Variants in PVT1 observed in about 807,000 individuals in gnomAD.
PVT1 encodes Pvt1 oncogene.
intron 4 of PVT1, among the ~76,000 whole-genome samples, chr8:127,998,979 C>G (rs142215165): frequency 6.6e-6 from 1 of 152,160 alleles, no homozygotes; most frequent in Non-Finnish European, 1.5e-5. Context: ...CAAGGATCCC[C>G]TGTCATTTTA....
At position 127,854,058 on chromosome 8, in the gene PVT1, A is replaced by G. The variant is rs550047468; in HGVS notation, n.373-36531A>G. Reference sequence around the variant, plus strand: ...AAGGAGGCCTGCTGGTATCCCAGCCATTTCCTGCCCCAAGGCCGCCCACCC... The same window carrying G: ...AAGGAGGCCTGCTGGTATCCCAGCCGTTTCCTGCCCCAAGGCCGCCCACCC... On this transcript the variant is annotated intron_variant and non_coding_transcript_variant, in intron 2 of 10. Coordinates refer to ENST00000651587, the Ensembl canonical transcript of PVT1. Among the ~76,000 whole-genome samples the G allele has an allele frequency of 2.0e-5, 3 of 152,022 alleles. No homozygotes were observed. In the East Asian group the frequency reaches 5.8e-4, roughly 29 times the overall value.
intron 4 of PVT1, among the ~76,000 whole-genome samples, chr8:128,051,771 A>C (rs1813698660): frequency 6.6e-6 from 1 of 151,420 alleles, no homozygotes. Flanking sequence ...TTACCACCAG[A>C]ATTTCTGTTT....
Position 127,802,865 on chromosome 8 carries a change from C to G in PVT1, n.372+6794C>G, listed in dbSNP as rs548132387. 1.3e-4 allele frequency among the ~76,000 whole-genome samples: 20 copies of G among 152,190 alleles called. No individual in the cohort carries two copies. The South Asian group carries it at 4.2e-3, about 32-fold the overall frequency. ...AGGTTGAAATGGGACCACAGCCAAC[C>G]AGGCCTGCTGTAGCCCAGAAGCTGG... On this transcript the variant is annotated intron_variant and non_coding_transcript_variant, in intron 2 of 10. Transcript: ENST00000651587.
chr8:128,073,918 G>A (rs1236129736), intron 5 of PVT1, among the ~76,000 whole-genome samples: 1 of 151,746 alleles, frequency 6.6e-6, no homozygotes, highest in Non-Finnish European at 1.5e-5. Context: ...CCAAGTCTCT[G>A]TAGTCTTCTC....
At chr8:127,904,385 CT>C (rs1460954354) in intron 3 of PVT1, among the ~76,000 whole-genome samples, 1 of 43,384 alleles carries the variant, frequency 2.3e-5, no homozygotes, top group East Asian at 4.5e-4. Context: ...TTGACTGCCC[CT>C]GGCCCTGCTG....
chr8:127,876,036 T>C (rs1052182570), intron 2 of PVT1, among the ~76,000 whole-genome samples: 1 of 152,168 alleles, frequency 6.6e-6, no homozygotes, highest in Non-Finnish European at 1.5e-5. Flanking sequence ...CCACCCCCCC[T>C]CACCCTCAGC....
In PVT1 at chr8:127,831,993, T is replaced by C. The variant is rs28510742; in HGVS notation, n.372+35922T>C. On this transcript the variant is annotated intron_variant and non_coding_transcript_variant, in intron 2 of 10. Coordinates refer to ENST00000651587, the Ensembl canonical transcript of PVT1. ...TTTACCTACCCATTAGCTCATTTGATTCTCAAAACAACATCTTTGCAGAAA... is the reference window on the plus strand; with the variant it reads ...TTTACCTACCCATTAGCTCATTTGACTCTCAAAACAACATCTTTGCAGAAA... Among the ~76,000 whole-genome samples the C allele has an allele frequency of 7.2e-3, 1,090 of 152,324 alleles. 9 individuals carry two copies. The highest frequency in any genetic ancestry group is 0.024 in the African/African-American group (1,018 of 41,558).
intron 3 of PVT1, among the ~76,000 whole-genome samples, chr8:127,933,542 C>T (rs10441527): frequency 0.35 from 52,642 of 151,956 alleles, 9,326 homozygotes; most frequent in East Asian, 0.53. Flanking sequence ...AAAGTGGAGA[C>T]CCTGTGCGTG....
At chr8:128,082,792 T>C (rs1276513007) in intron 5 of PVT1, 1 of 152,228 alleles carries the variant, frequency 6.6e-6, no homozygotes, top group African/African-American at 2.4e-5. Flanking sequence ...AGCCATCTGG[T>C]AATTATGAGG....
At chr8:127,822,229 A>T (rs542365100) in intron 2 of PVT1, among the ~76,000 whole-genome samples, 2 of 152,226 alleles carry the variant, frequency 1.3e-5, no homozygotes, top group East Asian at 3.8e-4. Context: ...ACCTGAGGAC[A>T]CAAGGATGGA....
chr8:127,798,463 G>A (rs545710621), intron 2 of PVT1, among the ~76,000 whole-genome samples: 18 of 152,092 alleles, frequency 1.2e-4, no homozygotes, highest in African/African-American at 3.6e-4. Flanking sequence ...CTGCAGCCAC[G>A]GAGCAGTCAG....
At chr8:128,022,585 C>T (rs1168176621) in intron 4 of PVT1, among the ~76,000 whole-genome samples, 8 of 152,206 alleles carry the variant, frequency 5.3e-5, no homozygotes, top group Admixed American at 2.0e-4. Context: ...TCTTGGCCTT[C>T]CAAGTTCTTG....
chr8:127,817,056 C>T (rs1281991525), intron 2 of PVT1, among the ~76,000 whole-genome samples: 1 of 149,430 alleles, frequency 6.7e-6, no homozygotes, highest in African/African-American at 2.5e-5. Context: ...ACATTTCATA[C>T]ATCTGGTTGC....
intron 2 of PVT1, among the ~76,000 whole-genome samples, chr8:127,832,007 TCTTTG>T (rs1359508746): frequency 1.3e-5 from 2 of 152,170 alleles, no homozygotes; most frequent in Non-Finnish European, 2.9e-5. Context: ...CAAAACAACA[TCTTTG>T]CAGAAAAGGC....
chr8:127,998,673 T>A (rs1736559829), intron 4 of PVT1, among the ~76,000 whole-genome samples: 1 of 147,286 alleles, frequency 6.8e-6, no homozygotes, highest in Non-Finnish European at 1.5e-5. Context: ...CCTTCCTTCC[T>A]TCCCTCCCTT....
chr8:127,803,236 C>G (rs529897458), intron 2 of PVT1: 1 of 146,918 alleles, frequency 6.8e-6, no homozygotes, highest in East Asian at 2.1e-4. Flanking sequence ...TCACGCCATT[C>G]TCCTGCCTCA....
intron 3 of PVT1, among the ~76,000 whole-genome samples, chr8:127,930,403 A>G (rs1816191383): frequency 6.6e-6 from 1 of 152,086 alleles, no homozygotes; most frequent in African/African-American, 2.4e-5. Flanking sequence ...AGGTGATCCA[A>G]CCACCTCGGC....
intron 2 of PVT1, among the ~76,000 whole-genome samples, chr8:127,846,980 CTT>C (rs34437112): frequency 1.1e-4 from 7 of 62,418 alleles, no homozygotes; most frequent in African/African-American, 2.1e-4. Flanking sequence ...TGCACATGGC[CTT>C]TTTTTTTTTT....
intron 2 of PVT1, among the ~76,000 whole-genome samples, chr8:127,853,728 C>T (rs1815130034): frequency 6.6e-6 from 1 of 151,736 alleles, no homozygotes; most frequent in Admixed American, 6.6e-5. Context: ...CTGTAATGAG[C>T]CAAGATTGTG....
Sources: gnomAD v4.1 joint callset for allele counts (sites outside exome capture counted in the v4.1 genomes callset) on GRCh38, gnomAD v4.1.1 for gene constraint, MANE v1.5 for transcripts, NCBI Gene and HGNC (gene_info 2026-07-23, HGNC 2026-07-21) for gene names.